The following MARS1 variants were observed in gnomAD, a reference collection of about 807,000 sequenced individuals.
MARS1 encodes methionine--tRNA ligase, cytoplasmic.
MARS1 carries 80 observed loss-of-function variants against 119.5 expected under a neutral mutation model. That is an observed-to-expected ratio of 0.67 (90% CI 0.56 to 0.81). The LOEUF (loss-of-function observed/expected upper bound fraction) is 0.81. MARS1 is among the 30% of genes least tolerant of loss of function. MARS1 has a pLI of 0.00. For synonymous variants in MARS1, 418 were observed against 433.4 expected (o/e 0.96, Z 0.44); for missense variants, 945 against 1,116.5 (o/e 0.85, Z 2.19).
In MARS1 at chr12:57,500,736, G is replaced by A. The variant is rs188302351; in HGVS notation, c.1293+214G>A. Among the ~76,000 whole-genome samples, 1,037 of 152,336 alleles carry A rather than the reference G, an allele frequency of 6.8e-3. 8 individuals are homozygous for A. The highest frequency in any genetic ancestry group is 0.011 in the Non-Finnish European group (780 of 68,030). On this transcript the variant is annotated intron_variant, in intron 10 of 20. Coordinates refer to ENST00000262027, the MANE Select transcript of MARS1 (RefSeq NM_004990.4). ...GAGCACTGTGCTAAGAAACAGACAA[G>A]TTGAGTTTATATTTCCCAACCTTTG...
At chr12:57,495,007 A>C (rs971253356) in intron 7 of MARS1, among the ~76,000 whole-genome samples, 3 of 152,074 alleles carry the variant, frequency 2.0e-5, no homozygotes, top group Non-Finnish European at 4.4e-5. Context: ...GCCCGTTCTC[A>C]GTGAGCTGCT....
At chr12:57,488,878 G>C (rs1242194918) in intron 1 of MARS1, 141 bp from the exon 2 acceptor site, 3 of 788,760 alleles carry the variant, frequency 3.8e-6, no homozygotes. Context: ...CCTTTCAGTG[G>C]TCCTATCCTG....
At chr12:57,497,122 G>A (rs1206257794) in intron 7 of MARS1, among the ~76,000 whole-genome samples, 3 of 152,184 alleles carry the variant, frequency 2.0e-5, no homozygotes, top group Non-Finnish European at 4.4e-5. Flanking sequence ...AAAGTGGTTA[G>A]GGGGTTGGGA....
intron 1 of MARS1, chr12:57,488,411 C>A: frequency 1.3e-6 from 1 of 754,140 alleles, no homozygotes; most frequent in Non-Finnish European, 2.1e-6. Flanking sequence ...CTTCCCTTAT[C>A]TCTCTCCTCC....
Position 57,495,266 on chromosome 12 carries a change from C to T in MARS1, c.771-2891C>T, listed in dbSNP as rs940876998. Among the ~76,000 whole-genome samples the T allele has an allele frequency of 4.6e-5, 7 of 151,490 alleles. No homozygotes were observed. In the East Asian group the frequency reaches 7.8e-4, roughly 17 times the overall value. ...GGGCGGCTGGCGGGGCGGGGGCTGC[C>T]CCCCACCTCCTGGATGGGGCGGCTG... On this transcript the variant is annotated intron_variant, in intron 7 of 20. Transcript: ENST00000262027.
intron 11 of MARS1, among the ~76,000 whole-genome samples, chr12:57,509,891 A>G (rs1057081159): frequency 2.6e-5 from 4 of 152,204 alleles, no homozygotes; most frequent in African/African-American, 4.8e-5. Flanking sequence ...TATACCTAAA[A>G]CAATTTCAGA....
intron 10 of MARS1, among the ~76,000 whole-genome samples, chr12:57,503,383 A>G (rs1877023404): frequency 6.6e-6 from 1 of 151,816 alleles, no homozygotes; most frequent in South Asian, 2.1e-4. Flanking sequence ...ACAGGCACGC[A>G]CTACCAAACC....
At chr12:57,493,202 G>A (rs1382262044) in intron 7 of MARS1, among the ~76,000 whole-genome samples, 2 of 145,328 alleles carry the variant, frequency 1.4e-5, no homozygotes, top group Non-Finnish European at 3.0e-5. Flanking sequence ...ATGGGGCTCA[G>A]TTGCTAGCAC....
At chr12:57,507,182 C>T (rs1400936983) in intron 11 of MARS1, among the ~76,000 whole-genome samples, 43 of 151,134 alleles carry the variant, frequency 2.8e-4, no homozygotes, top group African/African-American at 9.1e-4. Context: ...GGTTATAGAT[C>T]AACAGCATCC....
In MARS1 at chr12:57,490,290, C is replaced by T; in HGVS notation, c.574C>T (p.Gln192Ter). 1.2e-6 allele frequency: 2 copies of T among 1,613,346 alleles called. No individual in the cohort carries two copies. Among genetic ancestry groups the T allele is most frequent in the Non-Finnish European group, 8.5e-7 (1 of 1,180,038 alleles). Residue 192 changes from glutamine (Q) to a stop codon, truncating the protein, a stop_gained, in exon 6 of 21, where the codon CAG becomes TAG. Transcript: ENST00000262027. LOFTEE classifies it high-confidence loss of function. ...GCGAGCTGCAGAGACTGTACTGAAA[C>T]AGCAAGGTGTCCTGGCTCTCCGGCC... Reference protein sequence around the residue: ...CQRAAETVLKQQGVLALRPYL... With the variant: ...CQRAAETVLK
In MARS1 at chr12:57,490,573, T is replaced by G. The variant is rs201597392; in HGVS notation, c.699T>G (p.Ile233Met). 9.1e-5 allele frequency: 147 copies of G among 1,614,142 alleles called. No individual in the cohort carries two copies. The highest frequency in any genetic ancestry group is 1.0e-4 in the Non-Finnish European group (122 of 1,180,024). Residue 233 changes from isoleucine (I) to methionine (M), a missense_variant, in exon 7 of 21, where the codon ATT (isoleucine) becomes ATG (methionine). By Grantham distance (10) the Ile-to-Met change is conservative (BLOSUM62 1). Coordinates refer to ENST00000262027, the MANE Select transcript of MARS1 (RefSeq NM_004990.4). Reference sequence around the variant, plus strand: ...TGGCTACCCTATCTGAGGAGGAGATTGCTATGGCTGTTACTGCTTGGGAGA... The same window carrying G: ...TGGCTACCCTATCTGAGGAGGAGATGGCTATGGCTGTTACTGCTTGGGAGA... ...EELATLSEEE[I>M]AMAVTAWEKG... is the part of the protein sequence containing the mutation.
At chr12:57,496,917 T>G (rs974875399) in intron 7 of MARS1, among the ~76,000 whole-genome samples, 1 of 152,202 alleles carries the variant, frequency 6.6e-6, no homozygotes, top group Non-Finnish European at 1.5e-5. Flanking sequence ...AGTGCTTGCC[T>G]TCCTTTGATC....
intron 19 of MARS1, 31 bp from the exon 20 acceptor site, chr12:57,516,214 G>A (rs1877815185): frequency 2.5e-6 from 4 of 1,595,734 alleles, no homozygotes; most frequent in Non-Finnish European, 3.4e-6. Flanking sequence ...GGATATTTAT[G>A]GTTGCTGGTG....
chr12:57,500,944 T>C (rs1178605030), intron 10 of MARS1, among the ~76,000 whole-genome samples: 7 of 152,254 alleles, frequency 4.6e-5, no homozygotes, highest in Admixed American at 6.5e-5. Context: ...ATAAGACAGA[T>C]TTTATTTAGT....
At position 57,500,458 on chromosome 12, in the gene MARS1, A is replaced by G. The variant is rs202065367; in HGVS notation, c.1229A>G (p.Tyr410Cys). ...GAGGGCGTGTGTCCCTTCTGTGGCT[A>G]TGAGGAGGCTCGGGGTGACCAGTGT... ...FVEGVCPFCG[Y>C]EEARGDQCDK... Residue 410 changes from tyrosine to cysteine, a missense_variant, in exon 10 of 21, where the codon TAT (tyrosine) becomes TGT (cysteine). Coordinates refer to ENST00000262027, the MANE Select transcript of MARS1 (RefSeq NM_004990.4). 3 of 1,614,166 alleles carry G rather than the reference A, an allele frequency of 1.9e-6. No homozygotes were observed. The highest frequency in any genetic ancestry group is 2.5e-6 in the Non-Finnish European group (3 of 1,180,026).
intron 19 of MARS1, 93 bp from the exon 20 acceptor site, chr12:57,516,152 C>A: frequency 1.4e-6 from 2 of 1,393,274 alleles, no homozygotes; most frequent in Non-Finnish European, 1.0e-6. Flanking sequence ...AGACCTTCGA[C>A]TTAAAGGTAA....
At chr12:57,495,410 G>A (rs577172232) in intron 7 of MARS1, among the ~76,000 whole-genome samples, 2 of 144,830 alleles carry the variant, frequency 1.4e-5, no homozygotes, top group East Asian at 2.0e-4. Flanking sequence ...ACGGGGCGGC[G>A]GGGCAGAGGC....
intron 10 of MARS1, among the ~76,000 whole-genome samples, chr12:57,503,056 ACT>A (rs756240458): frequency 9.2e-5 from 14 of 151,818 alleles, no homozygotes; most frequent in Non-Finnish European, 1.8e-4. Flanking sequence ...CAACAACAAA[ACT>A]CTACTACAAA....
chr12:57,511,152 A>AT (rs1207975388), intron 11 of MARS1, among the ~76,000 whole-genome samples: 1 of 151,312 alleles, frequency 6.6e-6, no homozygotes, highest in African/African-American at 2.4e-5. Flanking sequence ...TAAAAAAAAA[A>AT]AAATTTTTTT....
Sources: gnomAD v4.1 joint callset for allele counts (sites outside exome capture counted in the v4.1 genomes callset) on GRCh38, gnomAD v4.1.1 for gene constraint, MANE v1.5 for transcripts, NCBI Gene and HGNC (gene_info 2026-07-23, HGNC 2026-07-21) for gene names.